SPAG17: variants seen among roughly 807,000 people sequenced by gnomAD.
SPAG17 encodes sperm-associated antigen 17.
SPAG17 carries 169 observed loss-of-function variants against 273.6 expected under a neutral mutation model. That is an observed-to-expected ratio of 0.62 (90% CI 0.55 to 0.70). SPAG17 has a LOEUF of 0.70. Among genes scored for constraint, SPAG17 ranks in the 30% least tolerant of loss-of-function variants. The probability of loss-of-function intolerance (pLI) is 0.00; values close to 1 mark genes in which losing one functional copy is unlikely to be tolerated. For missense variants in SPAG17, 2,557 were observed against 2,627.8 expected (o/e 0.97, Z 0.59); for synonymous variants, 825 against 873.2 (o/e 0.94, Z 0.97).
chr1:118,163,718 T>G (rs746482506), intron 1 of SPAG17, among the ~76,000 whole-genome samples: 2 of 151,878 alleles, frequency 1.3e-5, no homozygotes, highest in Non-Finnish European at 2.9e-5. Flanking sequence ...CCATTTTCCC[T>G]TATGACCTTT....
intron 18 of SPAG17, among the ~76,000 whole-genome samples, chr1:118,062,366 C>CACAAAAAAAAAAAA (rs1652417590): frequency 2.2e-5 from 1 of 46,430 alleles, no homozygotes; most frequent in African/African-American, 1.1e-4. Context: ...GACTCCATCT[C>CACAAAAAAAAAAAA]AAAAAAAAAA....
intron 43 of SPAG17, among the ~76,000 whole-genome samples, chr1:117,974,496 A>G (rs533026414): frequency 6.6e-6 from 1 of 152,182 alleles, no homozygotes; most frequent in South Asian, 2.1e-4. Context: ...ACAATACAAC[A>G]TTAACTCTGA....
At chr1:117,978,472 C>T (rs936157763) in intron 43 of SPAG17, among the ~76,000 whole-genome samples, 1 of 152,154 alleles carries the variant, frequency 6.6e-6, no homozygotes, top group African/African-American at 2.4e-5. Flanking sequence ...CTGGCATCAT[C>T]AAGTTCTCTC....
At chr1:118,040,663 G>A in intron 22 of SPAG17, 67 bp downstream of exon 22, 1 of 1,061,998 alleles carries the variant, frequency 9.4e-7, no homozygotes, top group Non-Finnish European at 1.5e-6. Context: ...CAGGAGTAGA[G>A]GGCCCCTGGT....
intron 4 of SPAG17, among the ~76,000 whole-genome samples, chr1:118,108,985 G>C (rs960440005): frequency 6.6e-6 from 1 of 152,080 alleles, no homozygotes; most frequent in African/African-American, 2.4e-5. Context: ...GTTATTGGAT[G>C]CTTCAAAATA....
chr1:118,184,179 C>G (rs1015399271), intron 1 of SPAG17, among the ~76,000 whole-genome samples: 7 of 152,146 alleles, frequency 4.6e-5, no homozygotes, highest in Non-Finnish European at 1.0e-4. Context: ...TACTGACTCT[C>G]TAGTGCACCA....
intron 3 of SPAG17, 120 bp from the exon 4 acceptor site, chr1:118,115,561 T>G: frequency 1.9e-6 from 2 of 1,057,872 alleles, no homozygotes; most frequent in Non-Finnish European, 2.6e-6. Flanking sequence ...GATACTTCAT[T>G]GCTGGCTGAA....
chr1:118,041,920 A>G lies in SPAG17; in HGVS notation c.2937T>C (p.Asp979=). The G allele has an allele frequency of 1.2e-5, 19 of 1,613,872 alleles. No individual in the cohort carries two copies. Among genetic ancestry groups the G allele is most frequent in the Non-Finnish European group, 1.6e-5 (19 of 1,179,886 alleles). Residue 979 remains aspartate, a synonymous_variant, in exon 21 of 49, where the codon GAT becomes GAC. Coordinates refer to ENST00000336338, the MANE Select transcript of SPAG17 (RefSeq NM_206996.4). ...KKGKDNAEKE[D]SRSLKKKSPY... is the part of the protein sequence containing the mutation. ...GTGATTTTTTCTTCAAAGACCTACT[A>G]TCCTCTTTCTCTGCGTTATCCTTGC...
intron 20 of SPAG17, 96 bp from the exon 21 acceptor site, chr1:118,042,138 G>A: frequency 7.0e-7 from 1 of 1,424,956 alleles, no homozygotes; most frequent in South Asian, 1.4e-5. Context: ...CATGATTTTT[G>A]TTAGTGTATC....
intron 3 of SPAG17, among the ~76,000 whole-genome samples, chr1:118,132,009 C>T (rs1299389064): frequency 6.6e-6 from 1 of 152,232 alleles, no homozygotes; most frequent in Non-Finnish European, 1.5e-5. Flanking sequence ...GCAGGCCCTG[C>T]CCATAGTGAG....
intron 20 of SPAG17, among the ~76,000 whole-genome samples, chr1:118,045,148 G>T (rs1650205256): frequency 6.6e-6 from 1 of 152,172 alleles, no homozygotes; most frequent in African/African-American, 2.4e-5. Context: ...CATCATTCCT[G>T]GCTACTGGCA....
chr1:117,960,130 G>GTT (rs1180146382), intron 48 of SPAG17: 1 of 147,758 alleles, frequency 6.8e-6, no homozygotes, highest in East Asian at 2.0e-4. Flanking sequence ...GTGTGTGTGT[G>GTT]TGTGTGTGTG....
chr1:118,127,155 T>A (rs1345292222), intron 3 of SPAG17, among the ~76,000 whole-genome samples: 1 of 152,244 alleles, frequency 6.6e-6, no homozygotes, highest in African/African-American at 2.4e-5. Context: ...AGTATCGCTT[T>A]AGAGAATTTG....
At chr1:118,172,714 A>G (rs1398510775) in intron 1 of SPAG17, among the ~76,000 whole-genome samples, 1 of 152,138 alleles carries the variant, frequency 6.6e-6, no homozygotes, top group Admixed American at 6.5e-5. Flanking sequence ...AATGAAAAAA[A>G]TTTACGTCTG....
intron 32 of SPAG17, among the ~76,000 whole-genome samples, chr1:118,001,642 T>C (rs1312301290): frequency 1.3e-5 from 2 of 152,260 alleles, no homozygotes; most frequent in Non-Finnish European, 2.9e-5. Context: ...TGGTAGTTTG[T>C]ATTTCTGTGG....
In SPAG17 at chr1:118,073,987, C is replaced by T. The variant is rs367907739; in HGVS notation, c.2272-20G>A. ...GGGTTTCTAAAATATCATAGGAACA[C>T]AATTTCAGCTTTAATTTGTTTAAGT... is the stretch of plus-strand genomic sequence containing the variant. On this transcript the variant is annotated intron_variant, in intron 16 of 48. Transcript: ENST00000336338. 6.6e-7 allele frequency: 1 copy of T among 1,510,356 alleles called. No individual in the cohort carries two copies. Among genetic ancestry groups the T allele is most frequent in the South Asian group, 1.3e-5 (1 of 76,410 alleles). 93.6% of individuals were successfully genotyped at this position (1,510,356 alleles called of 1,614,324 possible).
intron 28 of SPAG17, among the ~76,000 whole-genome samples, chr1:118,020,437 G>GAAAA (rs970563366): frequency 1.7e-5 from 2 of 118,766 alleles, no homozygotes. Context: ...TGTGTCTCAA[G>GAAAA]AAAAAAAAAA....
In SPAG17 at chr1:118,081,143, G is replaced by T; in HGVS notation, c.2167C>A (p.Gln723Lys). The T allele has an allele frequency of 5.0e-6, 8 of 1,613,718 alleles. No homozygotes were observed. The highest frequency in any genetic ancestry group is 5.9e-6 in the Non-Finnish European group (7 of 1,179,932). Residue 723 changes from glutamine (Q) to lysine (K), a missense_variant, in exon 15 of 49, where the codon CAG (glutamine) becomes AAG (lysine). Physicochemically the swap from Gln to Lys is moderately conservative, Grantham distance 53. Transcript: ENST00000336338. ...SVPDNRQLLE[Q>K]ESIMKAQPQH... ...GGCTGAGCCTTCATGATGCTCTCCT[G>T]CTCTAACAGCTGTCTATTATCAGGG... is the stretch of plus-strand genomic sequence containing the variant.
At chr1:117,961,487 T>C (rs1653092242) in intron 48 of SPAG17, 1 of 152,212 alleles carries the variant, frequency 6.6e-6, no homozygotes, top group Non-Finnish European at 1.5e-5. Context: ...GTTACAGGCC[T>C]GTTTAGATGT....
Sources: allele counts gnomAD v4.1 joint callset (sites outside exome capture counted in the v4.1 genomes callset), GRCh38; gene constraint gnomAD v4.1.1; transcripts MANE v1.5; gene names NCBI Gene and HGNC (gene_info 2026-07-23, HGNC 2026-07-21).